The following PRRC2B variants were observed in gnomAD, a reference collection of about 807,000 sequenced individuals.
PRRC2B encodes protein PRRC2B.
In PRRC2B, 68 loss-of-function variants were observed where a neutral mutation model predicts 242.3. The observed-to-expected ratio is 0.28, with a 90% CI of 0.23 to 0.34. The LOEUF is 0.34. PRRC2B is among the 10% of genes least tolerant of loss of function. The pLI is 1.00. For synonymous variants in PRRC2B, 1,228 were observed against 1,173.6 expected, an observed-to-expected ratio of 1.05 and a Z score of -0.95; for missense variants, 2,835 against 2,954.8, an observed-to-expected ratio of 0.96 and a Z score of 0.94.
intron 1 of PRRC2B, among the ~76,000 whole-genome samples, chr9:131,407,332 G>C (rs1837392609): frequency 6.6e-6 from 1 of 152,134 alleles, no homozygotes; most frequent in Non-Finnish European, 1.5e-5. Context: ...GGGGAGGAGA[G>C]TTGTGAGTAT....
intron 3 of PRRC2B, among the ~76,000 whole-genome samples, chr9:131,434,812 A>G (rs866832040): frequency 3.3e-5 from 5 of 152,036 alleles, no homozygotes; most frequent in African/African-American, 9.7e-5. Flanking sequence ...TAGAGCAGAA[A>G]CCTTCATTCG....
chr9:131,393,710 C>T (rs1183626493), upstream of PRRC2B, among the ~76,000 whole-genome samples: 2 of 151,618 alleles, frequency 1.3e-5, no homozygotes, highest in Non-Finnish European at 2.9e-5. Flanking sequence ...CCTTCCCCCT[C>T]TTTCCGGGCG....
chr9:131,387,747 C>T (rs1326617657), intron 1 of PRRC2B, among the ~76,000 whole-genome samples: 1 of 150,382 alleles, frequency 6.6e-6, no homozygotes, highest in African/African-American at 2.4e-5. Context: ...ACCTGCCCAG[C>T]ACTGAGTGGC....
intron 10 of PRRC2B, among the ~76,000 whole-genome samples, chr9:131,458,664 G>A (rs1943153967): frequency 6.6e-6 from 1 of 152,010 alleles, no homozygotes; most frequent in Non-Finnish European, 1.5e-5. Context: ...TACCACACCT[G>A]GCTAATTTTT....
chr9:131,413,899 T>C (rs1837571257), intron 1 of PRRC2B, among the ~76,000 whole-genome samples: 1 of 152,084 alleles, frequency 6.6e-6, no homozygotes, highest in Non-Finnish European at 1.5e-5. Flanking sequence ...CTTGATCTCC[T>C]GACCTCATGA....
In PRRC2B at chr9:131,482,709, G is replaced by A; in HGVS notation, c.5176-1G>A. 1 of 1,563,154 alleles carries A rather than the reference G, an allele frequency of 6.4e-7. No individual in the cohort carries two copies. Among genetic ancestry groups the A allele is most frequent in the Non-Finnish European group, 8.6e-7 (1 of 1,156,130 alleles). ...CTCCACCTCTCTGCTTTTTTATCAAGGATTCAGAACAAGGCTCTGGACAGA... is the reference window on the plus strand; with the variant it reads ...CTCCACCTCTCTGCTTTTTTATCAAAGATTCAGAACAAGGCTCTGGACAGA... On this transcript the variant is annotated splice_acceptor_variant, in intron 21 of 31. Transcript: ENST00000683519. LOFTEE classifies it high-confidence loss of function. The surrounding 1 kb of genome is among the most constrained non-coding windows in gnomAD (Gnocchi z 5.2).
intron 1 of PRRC2B, among the ~76,000 whole-genome samples, chr9:131,428,174 C>T (rs146187930): frequency 6.6e-6 from 1 of 152,188 alleles, no homozygotes; most frequent in African/African-American, 2.4e-5. Flanking sequence ...CCCACCTCGG[C>T]CTCCCAAAGT....
chr9:131,439,117 C>A, intron 5 of PRRC2B, 56 bp downstream of exon 5: 2 of 1,464,402 alleles, frequency 1.4e-6, no homozygotes. Flanking sequence ...GAGGTGAATG[C>A]CTTTTCCAGA....
intron 1 of PRRC2B, among the ~76,000 whole-genome samples, chr9:131,374,362 A>C (rs1836656541): frequency 6.6e-6 from 1 of 152,200 alleles, no homozygotes; most frequent in Non-Finnish European, 1.5e-5. Flanking sequence ...TGATTCACTT[A>C]TCCAAGAGTT....
intron 9 of PRRC2B, among the ~76,000 whole-genome samples, chr9:131,450,874 C>A (rs1299084796): frequency 6.6e-6 from 1 of 152,168 alleles, no homozygotes; most frequent in Non-Finnish European, 1.5e-5. Context: ...AGGTATGAGC[C>A]ACCATGTCCA....
chr9:131,473,626 T>C lies in PRRC2B; in HGVS notation c.2226T>C (p.Pro742=). ...AAGTGACCCCCATCGACTCACCCCC[T>C]GTGTGGAGCCCAGAGGGCTACATGG... ...ERKVTPIDSP[P]VWSPEGYMAL... Residue 742 remains proline, a synonymous_variant, in exon 15 of 32, where the codon CCT becomes CCC. Transcript: ENST00000683519. 6.2e-7 allele frequency: 1 copy of C among 1,613,622 alleles called. No homozygotes were observed. Among genetic ancestry groups the C allele is most frequent in the African/African-American group, 1.3e-5 (1 of 74,954 alleles).
At chr9:131,465,602 A>G (rs1943374537) in intron 12 of PRRC2B, among the ~76,000 whole-genome samples, 1 of 152,180 alleles carries the variant, frequency 6.6e-6, no homozygotes, top group South Asian at 2.1e-4. Context: ...ATCCCTGCCT[A>G]ATCAAAGACA....
intron 1 of PRRC2B, among the ~76,000 whole-genome samples, chr9:131,419,349 C>G (rs931932607): frequency 3.3e-5 from 5 of 152,194 alleles, no homozygotes; most frequent in East Asian, 1.9e-4. Flanking sequence ...AAGGTCTGCT[C>G]TCTGTACCAG....
At chr9:131,389,757 T>A (rs1431662223), upstream of PRRC2B, among the ~76,000 whole-genome samples, 1 of 149,906 alleles carries the variant, frequency 6.7e-6, no homozygotes, top group Non-Finnish European at 1.5e-5. Context: ...GATTGAGTGC[T>A]TACTTTGTGC....
At position 131,467,610 on chromosome 9, in the gene PRRC2B, G is replaced by T; in HGVS notation, c.1768G>T (p.Glu590Ter). 1 of 1,613,168 alleles carries T rather than the reference G, an allele frequency of 6.2e-7. No homozygotes were observed. Among genetic ancestry groups the T allele is most frequent in the Non-Finnish European group, 8.5e-7 (1 of 1,179,586 alleles). ...AQETPTTFPE[E>*]APTVSPAVAQ... Reference sequence around the variant, plus strand: ...AGAGACCCCCACCACATTCCCAGAAGAGGCACCCACAGTGTCCCCAGCAGT... The same window carrying T: ...AGAGACCCCCACCACATTCCCAGAATAGGCACCCACAGTGTCCCCAGCAGT... The change falls in exon 13 of 32, where the codon GAG (glutamate) becomes TAG (stop). Residue 590 changes from glutamate to a stop codon, truncating the protein, a stop_gained. Transcript: ENST00000683519. LOFTEE classifies it high-confidence loss of function.
Position 131,384,803 on chromosome 9 carries a change from C to T in PRRC2B, c.-56+11072C>T, listed in dbSNP as rs916514667. ...CTCCTGACCTCAAGTGATCCACCCA[C>T]CTTAGCCTCCCAAAGTGCTGGGATT... On this transcript the variant is annotated intron_variant, in intron 1 of 1. Coordinates refer to the PRRC2B transcript ENST00000682525. 5.3e-5 allele frequency among the ~76,000 whole-genome samples: 8 copies of T among 152,266 alleles called. No homozygotes were observed. In the East Asian group the frequency reaches 1.2e-3, roughly 22 times the overall value.
At chr9:131,373,695 G>C (rs975513144) in exon 1 of PRRC2B, 1 of 152,300 alleles carries the variant, frequency 6.6e-6, no homozygotes. Flanking sequence ...GCGTGAGGGA[G>C]GGTGGGTGCT....
chr9:131,486,532 T>TTAG, intron 26 of PRRC2B: 1 of 985,362 alleles, frequency 1.0e-6, no homozygotes, highest in Non-Finnish European at 1.2e-6. Flanking sequence ...CATGGATGCA[T>TTAG]TAGAAAGAGG....
At chr9:131,444,593 G>T (rs1237937263) in intron 6 of PRRC2B, among the ~76,000 whole-genome samples, 1 of 152,086 alleles carries the variant, frequency 6.6e-6, no homozygotes, top group Non-Finnish European at 1.5e-5. Context: ...TGCTGTGCCT[G>T]GTGGCTGTGG....
Sources: allele counts gnomAD v4.1 joint callset (sites outside exome capture counted in the v4.1 genomes callset), GRCh38; gene constraint gnomAD v4.1.1; non-coding constraint Gnocchi (gnomAD v3.1); transcripts MANE v1.5; gene names NCBI Gene and HGNC (gene_info 2026-07-23, HGNC 2026-07-21).